Variants in CDH12 observed in about 807,000 individuals in gnomAD.
CDH12 encodes the protein cadherin-12.
In CDH12, 41 loss-of-function variants were observed where a neutral mutation model predicts 74.1. The ratio of observed to expected loss-of-function variants is 0.55; its 90% confidence interval spans 0.43 to 0.72. The LOEUF is 0.72. Ranked by LOEUF, CDH12 falls within the 30% of genes least tolerant of loss-of-function variation. The probability of loss-of-function intolerance (pLI) is 0.00; values close to 1 mark genes in which losing one functional copy is unlikely to be tolerated. For missense variants in CDH12, 945 were observed against 977.2 expected (o/e 0.97, Z 0.44); for synonymous variants, 399 against 355.0 (o/e 1.12, Z -1.39).
chr5:21,850,899 T>C (rs563349456), intron 7 of CDH12, among the ~76,000 whole-genome samples: 14 of 151,472 alleles, frequency 9.2e-5, no homozygotes, highest in Admixed American at 7.3e-4. Context: ...ATAAAGGACG[T>C]ATTTTTCACA....
intron 4 of CDH12, among the ~76,000 whole-genome samples, chr5:22,092,392 T>C (rs1003519336): frequency 2.6e-5 from 4 of 152,104 alleles, no homozygotes; most frequent in African/African-American, 9.7e-5. Flanking sequence ...GTATCTCAAA[T>C]ATATAAAGAC....
chr5:21,895,217 A>G (rs1017037413), intron 6 of CDH12, among the ~76,000 whole-genome samples: 1 of 152,124 alleles, frequency 6.6e-6, no homozygotes, highest in African/African-American at 2.4e-5. Context: ...AGAGAAATGG[A>G]ATGTATCTCC....
At chr5:22,160,098 T>C (rs545175797) in intron 4 of CDH12, among the ~76,000 whole-genome samples, 6 of 152,194 alleles carry the variant, frequency 3.9e-5, no homozygotes, top group Non-Finnish European at 7.3e-5. Flanking sequence ...CAAATGGGTA[T>C]GTGTTCCAGA....
intron 1 of CDH12, among the ~76,000 whole-genome samples, chr5:22,764,700 T>C (rs758207627): frequency 2.0e-5 from 3 of 152,032 alleles, no homozygotes; most frequent in Non-Finnish European, 2.9e-5. Context: ...TTTCTGCAGA[T>C]ATGATGCCTC....
chr5:22,587,474 C>T (rs543268176), intron 1 of CDH12, among the ~76,000 whole-genome samples: 3 of 152,254 alleles, frequency 2.0e-5, no homozygotes, highest in South Asian at 4.1e-4. Context: ...CATTTAATTT[C>T]ATCAAGGGCT....
chr5:21,961,247 T>C (rs1756351101), intron 6 of CDH12, among the ~76,000 whole-genome samples: 1 of 152,180 alleles, frequency 6.6e-6, no homozygotes, highest in Non-Finnish European at 1.5e-5. Context: ...TTGAGAATTA[T>C]AATGCATTGC....
At chr5:22,010,318 A>G (rs1323898014) in intron 5 of CDH12, among the ~76,000 whole-genome samples, 1 of 152,154 alleles carries the variant, frequency 6.6e-6, no homozygotes, top group African/African-American at 2.4e-5. Flanking sequence ...AAATAGGACA[A>G]TATCTTCTTA....
intron 6 of CDH12, among the ~76,000 whole-genome samples, chr5:21,925,626 AT>A (rs1236563330): frequency 6.6e-6 from 1 of 152,152 alleles, no homozygotes; most frequent in Non-Finnish European, 1.5e-5. Flanking sequence ...ATTGTAACTA[AT>A]TTGGTTATTT....
chr5:22,705,786 T>C (rs949832422), intron 1 of CDH12, among the ~76,000 whole-genome samples: 2 of 152,030 alleles, frequency 1.3e-5, no homozygotes, highest in Non-Finnish European at 2.9e-5. Flanking sequence ...ACCACATGGT[T>C]TGGTATTTAA....
At chr5:22,308,752 A>C (rs1053896794) in intron 3 of CDH12, among the ~76,000 whole-genome samples, 14 of 151,822 alleles carry the variant, frequency 9.2e-5, no homozygotes, top group African/African-American at 3.4e-4. Context: ...TAGGACATGG[A>C]CACCATGGGA....
intron 3 of CDH12, among the ~76,000 whole-genome samples, chr5:22,217,934 C>A (rs1263700356): frequency 6.6e-6 from 1 of 151,442 alleles, no homozygotes; most frequent in Non-Finnish European, 1.5e-5. Context: ...AATGAATTTC[C>A]TGTTCACTAA....
At chr5:22,710,861 G>A (rs269030) in intron 1 of CDH12, among the ~76,000 whole-genome samples, 106,726 of 151,936 alleles carry the variant, frequency 0.7, 37,672 homozygotes, top group Admixed American at 0.75. Context: ...AAATAGATTC[G>A]TGATGACCTT....
intron 5 of CDH12, among the ~76,000 whole-genome samples, chr5:22,028,716 C>T (rs1159717860): frequency 6.6e-6 from 1 of 152,090 alleles, no homozygotes; most frequent in Admixed American, 6.6e-5. Context: ...AATGCCATCC[C>T]CATCAAGCTA....
intron 4 of CDH12, among the ~76,000 whole-genome samples, chr5:22,209,267 T>C (rs1476183771): frequency 2.0e-5 from 3 of 152,178 alleles, no homozygotes; most frequent in Non-Finnish European, 4.4e-5. Context: ...TACCACAATA[T>C]CAACATGATT....
intron 4 of CDH12, among the ~76,000 whole-genome samples, chr5:22,122,243 A>C (rs1745560982): frequency 6.6e-6 from 1 of 152,066 alleles, no homozygotes; most frequent in Admixed American, 6.6e-5. Context: ...TCTCTACTAA[A>C]AATACAAAAA....
intron 3 of CDH12, among the ~76,000 whole-genome samples, chr5:22,258,780 A>G (rs6452073): frequency 0.99 from 151,371 of 152,296 alleles, 75,239 homozygotes; most frequent in Middle Eastern, 1. Context: ...TGCTGTACAG[A>G]TTTGGAGACT....
chr5:22,028,080 G>T (rs1402896336), intron 5 of CDH12, among the ~76,000 whole-genome samples: 1 of 152,092 alleles, frequency 6.6e-6, no homozygotes, highest in Non-Finnish European at 1.5e-5. Flanking sequence ...GTACCCAGTA[G>T]TCATTCAGGA....
chr5:22,253,401 T>C (rs1334356619), intron 3 of CDH12, among the ~76,000 whole-genome samples: 2 of 151,934 alleles, frequency 1.3e-5, no homozygotes, highest in Middle Eastern at 3.4e-3. Context: ...ATGCTAAAAT[T>C]AGGAAATTTA....
intron 11 of CDH12, among the ~76,000 whole-genome samples, chr5:21,772,523 C>T (rs1159205902): frequency 6.6e-6 from 1 of 152,138 alleles, no homozygotes; most frequent in Non-Finnish European, 1.5e-5. Context: ...ATCCACCGAC[C>T]TTGGCCTTCC....
Sources: allele counts gnomAD v4.1 joint callset (sites outside exome capture counted in the v4.1 genomes callset), GRCh38; gene constraint gnomAD v4.1.1; transcripts MANE v1.5; gene names NCBI Gene and HGNC (gene_info 2026-07-23, HGNC 2026-07-21).